ATP10B: variants seen among roughly 807,000 people sequenced by gnomAD.
The protein encoded by ATP10B is phospholipid-transporting ATPase VB.
In ATP10B, 122 loss-of-function variants were observed where a neutral mutation model predicts 141.2. The observed-to-expected ratio is 0.86, with a 90% confidence interval of 0.75 to 1.00. ATP10B has a LOEUF of 1.00. Ranked by LOEUF, ATP10B falls within the 50% of genes least tolerant of loss-of-function variation. The probability of loss-of-function intolerance (pLI) is 0.00; values close to 1 mark genes in which losing one functional copy is unlikely to be tolerated. For missense variants in ATP10B, 1,876 were observed against 1,825.3 expected, an observed-to-expected ratio of 1.03 and a Z score of -0.51; for synonymous variants, 685 against 692.0, an observed-to-expected ratio of 0.99 and a Z score of 0.16.
In ATP10B at chr5:160,785,778, G is replaced by T; in HGVS notation, c.-550C>A. The T allele has an allele frequency of 5.7e-6, 5 of 882,828 alleles. No individual in the cohort carries two copies. The highest frequency in any genetic ancestry group is 7.6e-6 in the Non-Finnish European group (5 of 658,650). The allele number at this position is 882,828 out of a possible 1,614,324, so 54.7% of individuals were successfully genotyped here. On this transcript the variant is annotated 5_prime_UTR_variant, in exon 2 of 26. Transcript: ENST00000327245. Reference sequence around the variant, plus strand: ...TCATTGAAACAAATGTCACCAGTCGGTTCTGATTCTCTTGTCAAAGGAAGC... The same window carrying T: ...TCATTGAAACAAATGTCACCAGTCGTTTCTGATTCTCTTGTCAAAGGAAGC...
chr5:160,673,533 GTTTTTTT>G (rs34256429), intron 6 of ATP10B, among the ~76,000 whole-genome samples: 7 of 150,110 alleles, frequency 4.7e-5, no homozygotes, highest in African/African-American at 1.7e-4. Flanking sequence ...ATTTTGTTTT[GTTTTTTT>G]TTTTTTTTTT....
chr5:160,569,112 G>T (rs1308334557), intron 25 of ATP10B, among the ~76,000 whole-genome samples: 1 of 152,168 alleles, frequency 6.6e-6, no homozygotes, highest in Non-Finnish European at 1.5e-5. Context: ...TGCTGAACTT[G>T]CTGGCCTGTC....
chr5:160,564,708 C>T lies in ATP10B; in HGVS notation c.*745G>A, dbSNP rs931868894. The T allele has an allele frequency of 6.6e-6, 1 of 152,134 alleles. No individual in the cohort carries two copies. Among genetic ancestry groups the T allele is most frequent in the Admixed American group, 6.5e-5 (1 of 15,268 alleles). 9.4% of individuals were successfully genotyped at this position (152,134 alleles called of 1,614,324 possible). ...GCCACCTATGTCCTCTTGTCAGATT[C>T]CCCAGCTGGTGGGACATATGGTCTG... On this transcript the variant is annotated 3_prime_UTR_variant, in exon 26 of 26. Coordinates refer to ENST00000327245, the MANE Select transcript of ATP10B (RefSeq NM_025153.3).
At chr5:160,893,079 C>T in the ATP10B span, among the ~76,000 whole-genome samples, 2 of 152,182 alleles carry the variant, frequency 1.3e-5, no homozygotes, top group African/African-American at 4.8e-5. Context: ...CGGGTGCCTA[C>T]ACCACCAGGG....
At chr5:160,816,593 T>C (rs1259221238) in intron 1 of ATP10B, among the ~76,000 whole-genome samples, 2 of 152,178 alleles carry the variant, frequency 1.3e-5, no homozygotes, top group African/African-American at 2.4e-5. Flanking sequence ...GCTGGTACCA[T>C]ACTTTCTGAA....
At chr5:160,847,947 A>G (rs978989873) in intron 1 of ATP10B, among the ~76,000 whole-genome samples, 6 of 152,110 alleles carry the variant, frequency 3.9e-5, no homozygotes, top group Admixed American at 2.0e-4. Context: ...CAGCGCCCAC[A>G]TCTCTCACAA....
At chr5:160,725,814 G>A (rs555529520) in intron 2 of ATP10B, among the ~76,000 whole-genome samples, 1 of 152,174 alleles carries the variant, frequency 6.6e-6, no homozygotes, top group African/African-American at 2.4e-5. Context: ...CTACATTGGT[G>A]GGAAGAAATG....
At chr5:160,716,339 A>ATAT (rs1765659607) in intron 3 of ATP10B, among the ~76,000 whole-genome samples, 1 of 152,200 alleles carries the variant, frequency 6.6e-6, no homozygotes, top group African/African-American at 2.4e-5. Flanking sequence ...TTGCATGTCA[A>ATAT]TATTAATTCA....
intron 3 of ATP10B, among the ~76,000 whole-genome samples, chr5:160,691,584 T>C (rs562613537): frequency 6.6e-6 from 1 of 152,328 alleles, no homozygotes; most frequent in African/African-American, 2.4e-5. Context: ...GATGAGTGAA[T>C]GTCAAGTACT....
chr5:160,803,326 TATTTG>T (rs573772238), intron 1 of ATP10B, among the ~76,000 whole-genome samples: 19 of 152,170 alleles, frequency 1.2e-4, no homozygotes, highest in Non-Finnish European at 1.5e-4. Context: ...CTTTACACAT[TATTTG>T]ATTTAAGCTT....
At chr5:160,599,064 G>A in intron 21 of ATP10B, 94 bp from the exon 22 acceptor site, 1 of 1,137,000 alleles carries the variant, frequency 8.8e-7, no homozygotes, top group Non-Finnish European at 1.3e-6. Flanking sequence ...TGGAGTGGCA[G>A]TTGCCTCATT....
chr5:160,641,093 A>C (rs1326691792), intron 9 of ATP10B, among the ~76,000 whole-genome samples: 3 of 152,234 alleles, frequency 2.0e-5, no homozygotes, highest in Admixed American at 6.5e-5. Context: ...CATTATTAAT[A>C]AGTCCTATGA....
chr5:160,649,277 T>C, intron 7 of ATP10B, 21 bp from the exon 8 acceptor site: 1 of 1,571,652 alleles, frequency 6.4e-7, no homozygotes. Context: ...GAGGACTCTG[T>C]GAGTTTATTA....
intron 2 of ATP10B, among the ~76,000 whole-genome samples, chr5:160,758,388 T>C (rs1345294966): frequency 6.6e-6 from 1 of 152,178 alleles, no homozygotes; most frequent in Non-Finnish European, 1.5e-5. Flanking sequence ...ACATACTTGA[T>C]ACATGGCAGA....
At chr5:160,630,816 G>A (rs530593182) in intron 13 of ATP10B, among the ~76,000 whole-genome samples, 14 of 152,186 alleles carry the variant, frequency 9.2e-5, no homozygotes, top group South Asian at 2.1e-4. Flanking sequence ...TTGCATTTCC[G>A]TGCATGACAA....
chr5:160,704,053 G>A (rs374161004), intron 3 of ATP10B, among the ~76,000 whole-genome samples: 194 of 152,228 alleles, frequency 1.3e-3, no homozygotes, highest in African/African-American at 4.5e-3. Flanking sequence ...CATGATCACA[G>A]CTCACTGCAG....
intron 21 of ATP10B, 33 bp downstream of exon 21, chr5:160,602,544 G>A (rs755262310): frequency 2.2e-5 from 35 of 1,612,532 alleles, no homozygotes; most frequent in Non-Finnish European, 3.0e-5. Context: ...GCCTGCCAAA[G>A]CCCTGGGTGA....
intron 21 of ATP10B, among the ~76,000 whole-genome samples, chr5:160,599,515 T>C (rs1756956993): frequency 6.6e-6 from 1 of 152,174 alleles, no homozygotes; most frequent in Non-Finnish European, 1.5e-5. Flanking sequence ...ATAGTAGTAC[T>C]TAGACCAATG....
At chr5:160,649,373 C>T in intron 7 of ATP10B, 117 bp from the exon 8 acceptor site, 1 of 727,746 alleles carries the variant, frequency 1.4e-6, no homozygotes, top group Non-Finnish European at 2.3e-6. Flanking sequence ...CATGCTTTGT[C>T]ACACTTTGAT....
Sources: gnomAD v4.1 joint callset for allele counts (sites outside exome capture counted in the v4.1 genomes callset) on GRCh38, gnomAD v4.1.1 for gene constraint, MANE v1.5 for transcripts, NCBI Gene and HGNC (gene_info 2026-07-23, HGNC 2026-07-21) for gene names.